RALGAPA1: variants seen among roughly 807,000 people sequenced by gnomAD.
RALGAPA1 encodes Ral GTPase activating protein catalytic subunit alpha 1.
RALGAPA1 carries 52 observed loss-of-function variants against 269.6 expected under a neutral mutation model. The observed-to-expected ratio is 0.19, with a 90% CI of 0.15 to 0.24. The LOEUF (loss-of-function observed/expected upper bound fraction) is 0.24. RALGAPA1 is among the 10% of genes least tolerant of loss of function. The probability of loss-of-function intolerance (pLI) is 1.00; values close to 1 mark genes in which losing one functional copy is unlikely to be tolerated. For missense variants in RALGAPA1, 1,917 were observed against 3,013.9 expected (o/e 0.64, Z 8.52); for synonymous variants, 817 against 1,008.3 (o/e 0.81, Z 3.60).
intron 9 of RALGAPA1, among the ~76,000 whole-genome samples, chr14:35,749,489 T>C (rs2072469062): frequency 6.6e-6 from 1 of 152,206 alleles, no homozygotes; most frequent in Admixed American, 6.5e-5. Flanking sequence ...TATTCTGTGG[T>C]ATAAATTACT....
intron 37 of RALGAPA1, among the ~76,000 whole-genome samples, chr14:35,587,052 T>G (rs190637822): frequency 1.5e-3 from 222 of 152,318 alleles, no homozygotes; most frequent in Non-Finnish European, 2.1e-3. Context: ...AGCTCCTCTT[T>G]GTACCTCTGG....
intron 33 of RALGAPA1, among the ~76,000 whole-genome samples, chr14:35,630,577 C>T (rs1489363112): frequency 6.6e-6 from 1 of 152,180 alleles, no homozygotes; most frequent in Non-Finnish European, 1.5e-5. Flanking sequence ...TGACTGCACC[C>T]ACCCAACATT....
intron 28 of RALGAPA1, among the ~76,000 whole-genome samples, chr14:35,657,186 T>C (rs1188908553): frequency 6.6e-6 from 1 of 151,424 alleles, no homozygotes; most frequent in Non-Finnish European, 1.5e-5. Context: ...TTTCTTTTTC[T>C]TTTTTCTTTT....
intron 1 of RALGAPA1, among the ~76,000 whole-genome samples, chr14:35,804,372 C>T (rs955572104): frequency 2.0e-5 from 3 of 151,626 alleles, no homozygotes; most frequent in African/African-American, 2.4e-5. Context: ...AGTTCAAGAC[C>T]AGCCTGGCCA....
At chr14:35,555,123 CA>C (rs1051143757) in intron 39 of RALGAPA1, among the ~76,000 whole-genome samples, 1 of 149,968 alleles carries the variant, frequency 6.7e-6, no homozygotes. Flanking sequence ...TCTCTGGAAC[CA>C]AAAAAAAGTA....
In RALGAPA1 at chr14:35,539,400, A is replaced by C; in HGVS notation, c.*314T>G. The C allele has an allele frequency of 1.4e-6, 1 of 693,418 alleles. No homozygotes were observed. The highest frequency in any genetic ancestry group is 1.8e-5 in the African/African-American group (1 of 54,688). 43.0% of individuals were successfully genotyped at this position (693,418 alleles called of 1,614,324 possible). ...TTAATATTAAGCTACAAATTATTTA[A>C]AATTATTTAAATCCAGTGTTTTCTC... On this transcript the variant is annotated 3_prime_UTR_variant, in exon 42 of 42. Transcript: ENST00000680220.
At chr14:35,743,873 C>A (rs553601617) in intron 10 of RALGAPA1, among the ~76,000 whole-genome samples, 6 of 151,948 alleles carry the variant, frequency 3.9e-5, no homozygotes, top group Non-Finnish European at 8.8e-5. Flanking sequence ...CATTGTTATT[C>A]TTTTCTTCCA....
intron 1 of RALGAPA1, among the ~76,000 whole-genome samples, chr14:35,782,262 A>C (rs1484448640): frequency 1.3e-5 from 2 of 152,376 alleles, no homozygotes; most frequent in Middle Eastern, 6.8e-3. Flanking sequence ...TAAATTTAAC[A>C]AAAGAAGTAC....
At chr14:35,773,783 G>A (rs2074810098) in intron 3 of RALGAPA1, among the ~76,000 whole-genome samples, 3 of 151,818 alleles carry the variant, frequency 2.0e-5, no homozygotes, top group African/African-American at 4.8e-5. Flanking sequence ...TAACATCAGC[G>A]TTACTACTGT....
At chr14:35,799,563 GAA>G (rs71124716) in intron 1 of RALGAPA1, among the ~76,000 whole-genome samples, 10 of 108,894 alleles carry the variant, frequency 9.2e-5, no homozygotes, top group Admixed American at 9.7e-5. Context: ...CTCGGTCCCA[GAA>G]AAAAAAAAAA....
rs2053720045 is a variant in RALGAPA1 at position 35,538,699 on chromosome 14, A to C, written c.*1015T>G. ...TTTTCTTTTTTAAATAATACTCATA[A>C]TTTGAACAACATATTTATATCAGAA... On this transcript the variant is annotated 3_prime_UTR_variant, in exon 42 of 42. Transcript: ENST00000680220. 1 of 152,176 alleles carries C rather than the reference A, an allele frequency of 6.6e-6. No individual in the cohort carries two copies. The highest frequency in any genetic ancestry group is 1.5e-5 in the Non-Finnish European group (1 of 68,044). 9.4% of individuals were successfully genotyped at this position (152,176 alleles called of 1,614,324 possible).
intron 35 of RALGAPA1, among the ~76,000 whole-genome samples, chr14:35,622,656 G>C (rs1260244973): frequency 6.6e-6 from 1 of 152,160 alleles, no homozygotes; most frequent in Non-Finnish European, 1.5e-5. Context: ...CAAATCAATG[G>C]CAAAGGTATA....
intron 15 of RALGAPA1, among the ~76,000 whole-genome samples, 157 bp downstream of exon 15, chr14:35,722,870 G>A (rs969629884): frequency 9.9e-5 from 15 of 152,008 alleles, no homozygotes; most frequent in Middle Eastern, 3.4e-3. Flanking sequence ...ACGATAAAAA[G>A]GAATGGTATT....
At chr14:35,743,029 T>C (rs937154890) in intron 10 of RALGAPA1, among the ~76,000 whole-genome samples, 2 of 152,138 alleles carry the variant, frequency 1.3e-5, no homozygotes, top group African/African-American at 4.8e-5. Flanking sequence ...TCACCCGGAC[T>C]GAGACCATTT....
intron 39 of RALGAPA1, among the ~76,000 whole-genome samples, chr14:35,557,603 G>C (rs561277086): frequency 6.6e-6 from 1 of 152,046 alleles, no homozygotes; most frequent in Non-Finnish European, 1.5e-5. Flanking sequence ...CATTAATCTT[G>C]ACTTAAATAC....
intron 27 of RALGAPA1, among the ~76,000 whole-genome samples, chr14:35,659,964 C>G (rs879297032): frequency 2.6e-5 from 4 of 151,794 alleles, no homozygotes; most frequent in Non-Finnish European, 5.9e-5. Flanking sequence ...AATTTTTTTG[C>G]ATGAAAAATA....
chr14:35,674,123 AG>A lies in RALGAPA1; in HGVS notation c.4917+56del, dbSNP rs1280625223. 3.0e-6 allele frequency: 4 copies of A among 1,331,430 alleles called. No individual in the cohort carries two copies. The African/African-American group carries it at 5.9e-5, about 20-fold the overall frequency. 82.5% of individuals were successfully genotyped at this position (1,331,430 alleles called of 1,614,324 possible). A position where few individuals can be genotyped will look rare whatever the true frequency, so the allele number is the denominator to read the frequency against. On this transcript the variant is annotated intron_variant, in intron 24 of 41. Coordinates refer to ENST00000680220, the MANE Select transcript of RALGAPA1 (RefSeq NM_001346249.2). ...TATAATAGCCAAAATCTCTATAAAA[AG>A]TTTAAGATTTAGTAAATGAGAAGTT...
At chr14:35,582,121 C>A (rs1453177917) in intron 37 of RALGAPA1, among the ~76,000 whole-genome samples, 6 of 152,054 alleles carry the variant, frequency 3.9e-5, no homozygotes, top group African/African-American at 1.4e-4. Context: ...AAAACAGGCA[C>A]AAAAGGACAC....
intron 8 of RALGAPA1, 109 bp downstream of exon 8, chr14:35,751,915 A>G: frequency 7.0e-7 from 1 of 1,424,418 alleles, no homozygotes. Context: ...ACCAACCAAT[A>G]CAAGTATTAA....
Sources: allele counts gnomAD v4.1 joint callset (sites outside exome capture counted in the v4.1 genomes callset), GRCh38; gene constraint gnomAD v4.1.1; transcripts MANE v1.5; gene names NCBI Gene and HGNC (gene_info 2026-07-23, HGNC 2026-07-21).